Variants in MIA2 observed in about 807,000 individuals in gnomAD.
The protein encoded by MIA2 is MIA SH3 domain ER export factor 2.
In MIA2, 127 loss-of-function variants were observed where a neutral mutation model predicts 167.8. The ratio of observed to expected loss-of-function variants is 0.76; its 90% CI spans 0.66 to 0.88. The LOEUF (loss-of-function observed/expected upper bound fraction) is 0.88, where lower values mean the gene tolerates loss of function less well. Among genes scored for constraint, MIA2 ranks in the 40% least tolerant of loss-of-function variants. The pLI, the probability that MIA2 is intolerant of heterozygous loss-of-function variation, is 0.00. For synonymous variants in MIA2, 552 were observed against 541.9 expected (o/e 1.02, Z -0.26); for missense variants, 1,690 against 1,624.7 (o/e 1.04, Z -0.69).
Position 39,279,332 on chromosome 14 carries a change from T to G in MIA2, c.2020-5T>G. On this transcript the variant is annotated splice_region_variant and splice_polypyrimidine_tract_variant and intron_variant, in intron 7 of 28. Coordinates refer to ENST00000640607, the MANE Select transcript of MIA2 (RefSeq NM_001329214.4). Reference sequence around the variant, plus strand: ...AATGTAATTTTTGTTAAAAATTTGTTTCAGGTTAGGAGTCGGCTTTATGTG... The same window carrying G: ...AATGTAATTTTTGTTAAAAATTTGTGTCAGGTTAGGAGTCGGCTTTATGTG... The G allele has an allele frequency of 6.2e-7, 1 of 1,601,714 alleles. No homozygotes were observed. The highest frequency in any genetic ancestry group is 1.1e-5 in the South Asian group (1 of 87,416).
chr14:39,256,986 T>G (rs182647317), intron 6 of MIA2, among the ~76,000 whole-genome samples: 2 of 152,324 alleles, frequency 1.3e-5, no homozygotes, highest in East Asian at 3.9e-4. Context: ...CTGTTACGAT[T>G]TCCATTCTTT....
In MIA2 at chr14:39,288,444, TA is replaced by T. The variant is rs1566746118; in HGVS notation, c.2131-2574del. Among the ~76,000 whole-genome samples the T allele has an allele frequency of 1.4e-3, 14 of 9,782 alleles. 2 individuals are homozygous for T. The highest frequency in any genetic ancestry group is 3.3e-3 in the Non-Finnish European group (11 of 3,366). 6.4% of individuals were successfully genotyped at this position (9,782 alleles called of 152,430 possible). ...TGTATATATTATACATATATATATATATATATATATATATATATATATATAT... is the reference window on the plus strand; with the variant it reads ...TGTATATATTATACATATATATATATTATATATATATATATATATATATAT... On this transcript the variant is annotated intron_variant, in intron 9 of 28. Transcript: ENST00000640607.
intron 26 of MIA2, 101 bp downstream of exon 26, chr14:39,346,127 T>A: frequency 1.1e-6 from 1 of 916,608 alleles, no homozygotes; most frequent in Non-Finnish European, 1.7e-6. Context: ...CTCTAGTAGT[T>A]CCTAAGGCCA....
At chr14:39,384,385 G>C (rs990080569) in intron 23 of MIA2, among the ~76,000 whole-genome samples, 1 of 152,106 alleles carries the variant, frequency 6.6e-6, no homozygotes, top group East Asian at 1.9e-4. Context: ...CAATGCACCT[G>C]GTTATTAAGG....
chr14:39,267,082 C>A, intron 6 of MIA2: 2 of 1,100,444 alleles, frequency 1.8e-6, no homozygotes, highest in Non-Finnish European at 2.2e-6. Context: ...CCGGACACGT[C>A]TGCGAAGCTT....
chr14:39,355,996 A>G (rs554883054), downstream of MIA2, among the ~76,000 whole-genome samples: 1 of 152,072 alleles, frequency 6.6e-6, no homozygotes, highest in Non-Finnish European at 1.5e-5. Flanking sequence ...TTCATCAGGG[A>G]TATTGGTCTA....
At chr14:39,310,367 A>C (rs1039848329) in intron 18 of MIA2, among the ~76,000 whole-genome samples, 6 of 152,224 alleles carry the variant, frequency 3.9e-5, no homozygotes, top group African/African-American at 1.2e-4. Flanking sequence ...TTTAAGCACA[A>C]GAATGCTGTG....
chr14:39,333,341 G>T (rs188673204), intron 25 of MIA2, among the ~76,000 whole-genome samples: 160 of 152,296 alleles, frequency 1.1e-3, no homozygotes, highest in African/African-American at 3.6e-3. Flanking sequence ...TTTCCCTTCT[G>T]TGGTGGGGAA....
intron 6 of MIA2, chr14:39,266,650 C>T (rs923607558): frequency 3.0e-6 from 3 of 985,512 alleles, no homozygotes; most frequent in African/African-American, 1.7e-5. Flanking sequence ...TGGCAGGGCG[C>T]ACCGGCGCGT....
intron 6 of MIA2, among the ~76,000 whole-genome samples, chr14:39,272,146 G>A (rs2057270948): frequency 6.6e-6 from 1 of 152,182 alleles, no homozygotes; most frequent in Non-Finnish European, 1.5e-5. Context: ...GAGGTCAGGA[G>A]TTTGAGACCA....
At chr14:39,288,464 T>TTTTTTTG (rs1566748196) in intron 9 of MIA2, among the ~76,000 whole-genome samples, 1 of 30,404 alleles carries the variant, frequency 3.3e-5, no homozygotes, top group Non-Finnish European at 6.4e-5. Flanking sequence ...TATATATATA[T>TTTTTTTG]ATATATATAT....
At chr14:39,297,952 T>C (rs1409305295) in intron 13 of MIA2, among the ~76,000 whole-genome samples, 1 of 152,254 alleles carries the variant, frequency 6.6e-6, no homozygotes, top group East Asian at 1.9e-4. Flanking sequence ...CTCTAGTTGG[T>C]TGAGTCTTTT....
chr14:39,363,505 G>T (rs2074743177), intron 23 of MIA2, among the ~76,000 whole-genome samples: 1 of 152,124 alleles, frequency 6.6e-6, no homozygotes, highest in Non-Finnish European at 1.5e-5. Context: ...CTCCAGCCTG[G>T]GTGACACAGC....
chr14:39,239,644 TA>T (rs1408899207), intron 2 of MIA2, among the ~76,000 whole-genome samples: 1 of 152,200 alleles, frequency 6.6e-6, no homozygotes, highest in East Asian at 1.9e-4. Flanking sequence ...ACTGACATCT[TA>T]GGTGTCATAA....
At chr14:39,260,427 T>G (rs1287617321) in intron 6 of MIA2, among the ~76,000 whole-genome samples, 1 of 152,218 alleles carries the variant, frequency 6.6e-6, no homozygotes, top group African/African-American at 2.4e-5. Context: ...TATCTCATTG[T>G]GGTTTTGATT....
At chr14:39,387,137 C>A (rs1182676005) in exon 24 of MIA2, 2 of 543,528 alleles carry the variant, frequency 3.7e-6, no homozygotes, top group Non-Finnish European at 6.5e-6. Context: ...GACTTTCAAG[C>A]CTTATTGTTT....
At chr14:39,332,889 A>G (rs1304204417) in intron 25 of MIA2, among the ~76,000 whole-genome samples, 3 of 152,006 alleles carry the variant, frequency 2.0e-5, no homozygotes, top group South Asian at 2.1e-4. Flanking sequence ...GGAATCAACA[A>G]TTTCTTGTGA....
At position 39,233,932 on chromosome 14, in the gene MIA2, G is replaced by T. The variant is rs1009112122; in HGVS notation, c.-183G>T. 1.7e-5 allele frequency: 8 copies of T among 477,944 alleles called. No homozygotes were observed. The highest frequency in any genetic ancestry group is 6.0e-5 in the African/African-American group (3 of 49,716). The allele number at this position is 477,944 out of a possible 1,614,324, so 29.6% of individuals were successfully genotyped here. ...TGCAGATTGAAAACAGACAGTGTTT[G>T]TCTCTCAAGTTAAACCAACAAGCCG... On this transcript the variant is annotated 5_prime_UTR_variant, in exon 1 of 29. Transcript: ENST00000640607.
intron 6 of MIA2, among the ~76,000 whole-genome samples, chr14:39,254,474 G>T (rs1239269249): frequency 2.0e-5 from 3 of 152,306 alleles, no homozygotes; most frequent in South Asian, 2.1e-4. Context: ...AAGACCAGAG[G>T]CAGGGAGTCC....
Sources: allele counts gnomAD v4.1 joint callset (sites outside exome capture counted in the v4.1 genomes callset), GRCh38; gene constraint gnomAD v4.1.1; transcripts MANE v1.5; gene names NCBI Gene and HGNC (gene_info 2026-07-23, HGNC 2026-07-21).